The following SKA1 variants were observed in gnomAD, a reference collection of about 807,000 sequenced individuals.
SKA1 encodes spindle and kinetochore associated complex subunit 1, also known as SKA complex subunit 1.
SKA1 carries 20 observed loss-of-function variants against 31.8 expected under a neutral mutation model. The observed-to-expected ratio is 0.63, with a 90% CI of 0.44 to 0.91. SKA1 has a LOEUF of 0.91. Among genes scored for constraint, SKA1 ranks in the 40% least tolerant of loss-of-function variants. SKA1 has a pLI of 0.00. For missense variants in SKA1, 253 were observed against 298.2 expected (o/e 0.85, Z 1.12); for synonymous variants, 88 against 100.5 (o/e 0.88, Z 0.74).
At chr18:50,384,683 A>C (rs1599727832) in intron 4 of SKA1, among the ~76,000 whole-genome samples, 1 of 123,850 alleles carries the variant, frequency 8.1e-6, no homozygotes, top group East Asian at 2.5e-4. Flanking sequence ...AGGAAGGGGA[A>C]TATCACACTC....
In SKA1 at chr18:50,380,007, G is replaced by T. The variant is rs1387474370; in HGVS notation, c.89-119G>T. On this transcript the variant is annotated intron_variant, in intron 2 of 6. Coordinates refer to ENST00000285116, the MANE Select transcript of SKA1 (RefSeq NM_145060.4). ...GAGTCATTTTCTAGGGGCTAAAGCA[G>T]TAGACCTTTTTCCACCCCTCTCTAA... 9.0e-6 allele frequency: 7 copies of T among 775,442 alleles called. No individual in the cohort carries two copies. In the East Asian group the frequency reaches 1.9e-4, roughly 21 times the overall value. 48.0% of individuals were successfully genotyped at this position (775,442 alleles called of 1,614,324 possible). A position where few individuals can be genotyped will look rare whatever the true frequency, so the allele number is the denominator to read the frequency against.
intron 2 of SKA1, 22 bp from the exon 3 acceptor site, chr18:50,380,104 A>T: frequency 6.7e-7 from 1 of 1,485,600 alleles, no homozygotes; most frequent in Non-Finnish European, 8.9e-7. Flanking sequence ...TTTGTTTTCT[A>T]TTTTATTTTT....
In SKA1 at chr18:50,391,147, A is replaced by C; in HGVS notation, c.473A>C (p.Tyr158Ser). 1 of 1,565,318 alleles carries C rather than the reference A, an allele frequency of 6.4e-7. No individual in the cohort carries two copies. The highest frequency in any genetic ancestry group is 1.4e-5 in the African/African-American group (1 of 72,636). Residue 158 changes from tyrosine (Y) to serine (S), a missense_variant, in exon 6 of 7, where the codon TAT (tyrosine) becomes TCT (serine). By Grantham distance (144) the Tyr-to-Ser change is moderately radical (BLOSUM62 -2). Coordinates refer to ENST00000285116, the MANE Select transcript of SKA1 (RefSeq NM_145060.4). The part of the protein sequence containing the change: ...VPSYMKSRLT[Y>S]NQINDVIKEI... ...AGGTACATGAAATCCCGCTTAACCT[A>C]TAATCAAATTAATGATGTTATTAAA...
At chr18:50,384,334 C>A (rs117283913) in intron 4 of SKA1, among the ~76,000 whole-genome samples, 1 of 152,062 alleles carries the variant, frequency 6.6e-6, no homozygotes, top group African/African-American at 2.4e-5. Context: ...TATCTGGTGT[C>A]GTCTTTCCTA....
intron 4 of SKA1, 131 bp from the exon 5 acceptor site, chr18:50,385,085 G>C (rs2041296008): frequency 1.4e-6 from 1 of 709,492 alleles, no homozygotes; most frequent in African/African-American, 1.8e-5. Flanking sequence ...CATAGGGATA[G>C]AAAAAAATGT....
intron 1 of SKA1, among the ~76,000 whole-genome samples, 187 bp from the exon 2 acceptor site, chr18:50,375,628 TAAGAC>T (rs2041208146): frequency 6.6e-6 from 1 of 152,232 alleles, no homozygotes; most frequent in African/African-American, 2.4e-5. Context: ...CCTAAGGCTC[TAAGAC>T]AAGTCAGTAC....
At chr18:50,388,245 C>T (rs2041326478) in intron 5 of SKA1, among the ~76,000 whole-genome samples, 1 of 152,156 alleles carries the variant, frequency 6.6e-6, no homozygotes, top group Non-Finnish European at 1.5e-5. Context: ...CCGCCGCCAC[C>T]ATGCCAGGCT....
intron 5 of SKA1, among the ~76,000 whole-genome samples, 158 bp from the exon 6 acceptor site, chr18:50,390,966 C>T (rs757398762): frequency 3.9e-5 from 6 of 152,042 alleles, no homozygotes; most frequent in Non-Finnish European, 7.4e-5. Context: ...TTTAATTATT[C>T]AGCTGTCTGG....
intron 5 of SKA1, among the ~76,000 whole-genome samples, chr18:50,386,254 G>C (rs986862393): frequency 6.6e-6 from 1 of 152,026 alleles, no homozygotes; most frequent in Non-Finnish European, 1.5e-5. Flanking sequence ...ATAAATAATG[G>C]TACAATGAAA....
chr18:50,375,490 C>T (rs568874438), intron 1 of SKA1, among the ~76,000 whole-genome samples: 7 of 152,270 alleles, frequency 4.6e-5, no homozygotes, highest in Admixed American at 1.3e-4. Flanking sequence ...AAAATGTGTC[C>T]TTATTTTGCG....
Position 50,385,353 on chromosome 18 carries a change from CGTAA to C in SKA1, c.449+4_449+7del, listed in dbSNP as rs2041299030. 6.3e-7 allele frequency: 1 copy of C among 1,596,930 alleles called. No individual in the cohort carries two copies. On this transcript the variant is annotated splice_donor_variant and splice_donor_region_variant and intron_variant, in intron 5 of 6. Coordinates refer to ENST00000285116, the MANE Select transcript of SKA1 (RefSeq NM_145060.4). LOFTEE classifies it high-confidence loss of function. The stretch of plus-strand genomic sequence containing the variant: ...TGTGATGAGTTCAATGGTGTTCCTT[CGTAA>C]GTATTTAAGATAAATAATGTTCAAC...
intron 5 of SKA1, among the ~76,000 whole-genome samples, chr18:50,390,694 TCC>T (rs983856217): frequency 5.9e-5 from 9 of 152,316 alleles, no homozygotes; most frequent in African/African-American, 2.2e-4. Flanking sequence ...TTCCTCCTCC[TCC>T]TTTTTTTCTC....
chr18:50,381,491 A>C (rs188808781), intron 3 of SKA1, among the ~76,000 whole-genome samples: 1 of 152,322 alleles, frequency 6.6e-6, no homozygotes, highest in East Asian at 1.9e-4. Context: ...AATGAAAAAC[A>C]TAAGTTCTTT....
rs577131464 is a variant in SKA1, at chr18:50,379,097, G to A, written c.89-1029G>A. ...TGCCAAAGTCTGCTTTTACTTATGT[G>A]TATGTCATTGTTAGATAGCTGGAAA... On this transcript the variant is annotated intron_variant, in intron 2 of 6. Coordinates refer to ENST00000285116, the MANE Select transcript of SKA1 (RefSeq NM_145060.4). Among the ~76,000 whole-genome samples, 331 of 152,272 alleles carry A rather than the reference G, an allele frequency of 2.2e-3. 5 individuals are homozygous for A. Among genetic ancestry groups the A allele is most frequent in the Non-Finnish European group, 2.8e-3 (191 of 68,020 alleles).
rs549709309 is a variant in SKA1, at chr18:50,376,391, C to T, written c.88+473C>T. On this transcript the variant is annotated intron_variant, in intron 2 of 6. Transcript: ENST00000285116. ...GCCTATTGCTCCTAGGCAACAAACC[C>T]GTATAGCATGTGACTGTACTGAATA... Among the ~76,000 whole-genome samples, 18 of 152,296 alleles carry T rather than the reference C, an allele frequency of 1.2e-4. No homozygotes were observed. The South Asian group carries it at 1.2e-3, about 11-fold the overall frequency.
intron 4 of SKA1, among the ~76,000 whole-genome samples, chr18:50,384,685 ATC>A (rs2041289041): frequency 9.0e-6 from 1 of 110,948 alleles, no homozygotes; most frequent in African/African-American, 4.6e-5. Flanking sequence ...GAAGGGGAAT[ATC>A]ACACTCTGGG....
intron 4 of SKA1, among the ~76,000 whole-genome samples, chr18:50,382,863 T>C (rs1303209202): frequency 6.6e-6 from 1 of 152,098 alleles, no homozygotes; most frequent in African/African-American, 2.4e-5. Flanking sequence ...TGAAACCCCA[T>C]CTCTGCTAAA....
At chr18:50,390,992 A>G (rs2041352200) in intron 5 of SKA1, 132 bp from the exon 6 acceptor site, 1 of 563,524 alleles carries the variant, frequency 1.8e-6, no homozygotes, top group Non-Finnish European at 3.0e-6. Flanking sequence ...TTGGAAGTTG[A>G]TATAAGATTG....
chr18:50,391,442 T>TCTC, intron 6 of SKA1, 149 bp downstream of exon 6: 4 of 850,270 alleles, frequency 4.7e-6, no homozygotes, highest in Non-Finnish European at 6.8e-6. Flanking sequence ...TTTTACCATG[T>TCTC]CTGGAGACAT....
Sources: allele counts gnomAD v4.1 joint callset (sites outside exome capture counted in the v4.1 genomes callset), GRCh38; gene constraint gnomAD v4.1.1; transcripts MANE v1.5; gene names NCBI Gene and HGNC (gene_info 2026-07-23, HGNC 2026-07-21).